Variants in THSD7B observed in about 807,000 individuals in gnomAD.
THSD7B encodes the protein thrombospondin type 1 domain containing 7B, also known as thrombospondin type-1 domain-containing protein 7B.
THSD7B carries 138 observed loss-of-function variants against 213.6 expected under a neutral mutation model. That is an observed-to-expected ratio of 0.65 (90% CI 0.56 to 0.74). The LOEUF (loss-of-function observed/expected upper bound fraction) is 0.74. Ranked by LOEUF, THSD7B falls within the 30% of genes least tolerant of loss-of-function variation. THSD7B has a pLI of 0.00. For synonymous variants in THSD7B, 742 were observed against 687.0 expected (o/e 1.08, Z -1.25); for missense variants, 1,931 against 1,991.5 (o/e 0.97, Z 0.58).
intron 12 of THSD7B, among the ~76,000 whole-genome samples, chr2:137,288,329 A>C (rs1011057407): frequency 2.6e-5 from 4 of 152,126 alleles, no homozygotes; most frequent in African/African-American, 9.7e-5. Flanking sequence ...ACAATAAAAA[A>C]CAAATCACTC....
chr2:137,429,111 T>C (rs1164299218), intron 14 of THSD7B, among the ~76,000 whole-genome samples: 1 of 152,184 alleles, frequency 6.6e-6, no homozygotes, highest in Non-Finnish European at 1.5e-5. Flanking sequence ...GCAGCAGGAA[T>C]GGACTAAGAC....
At chr2:137,328,590 A>G in intron 12 of THSD7B, among the ~76,000 whole-genome samples, 1 of 152,206 alleles carries the variant, frequency 6.6e-6, no homozygotes, top group Middle Eastern at 3.2e-3. Context: ...TGTTTTGTCT[A>G]GTGACATCTG....
intron 15 of THSD7B, among the ~76,000 whole-genome samples, chr2:137,484,902 T>C (rs1688394373): frequency 1.1e-5 from 1 of 92,354 alleles, no homozygotes; most frequent in African/African-American, 3.9e-5. Flanking sequence ...TTTGAGTTCA[T>C]TGTAGATTCT....
intron 15 of THSD7B, among the ~76,000 whole-genome samples, chr2:137,514,531 C>A (rs183454135): frequency 9.9e-5 from 15 of 152,256 alleles, no homozygotes; most frequent in African/African-American, 3.6e-4. Flanking sequence ...ATAAACTCCC[C>A]TTTATATATA....
intron 12 of THSD7B, among the ~76,000 whole-genome samples, chr2:137,386,285 G>A (rs1685891102): frequency 6.6e-6 from 1 of 152,144 alleles, no homozygotes; most frequent in African/African-American, 2.4e-5. Flanking sequence ...TTTTATTTCT[G>A]TTTCTTTCAT....
At chr2:137,331,671 G>C (rs922272455) in intron 12 of THSD7B, among the ~76,000 whole-genome samples, 4 of 152,154 alleles carry the variant, frequency 2.6e-5, no homozygotes, top group Non-Finnish European at 5.9e-5. Flanking sequence ...GGTGCTCATC[G>C]GGGAGGCTCT....
At chr2:137,149,016 G>A (rs1234133800) in intron 5 of THSD7B, among the ~76,000 whole-genome samples, 5 of 152,250 alleles carry the variant, frequency 3.3e-5, no homozygotes, top group African/African-American at 7.2e-5. Flanking sequence ...GGTCTGGGAA[G>A]GAAAAATGAT....
At chr2:137,080,778 C>T (rs111612651) in intron 3 of THSD7B, among the ~76,000 whole-genome samples, 23 of 151,884 alleles carry the variant, frequency 1.5e-4, no homozygotes, top group African/African-American at 4.1e-4. Flanking sequence ...GAAATATTTA[C>T]GTTATTCTTC....
chr2:137,351,361 T>G (rs1305282492), intron 12 of THSD7B, among the ~76,000 whole-genome samples: 7 of 151,980 alleles, frequency 4.6e-5, no homozygotes, highest in Admixed American at 3.3e-4. Flanking sequence ...GTCCTATATG[T>G]TCAGCAGGAC....
At chr2:137,508,656 T>C (rs968503212) in intron 15 of THSD7B, among the ~76,000 whole-genome samples, 1 of 151,894 alleles carries the variant, frequency 6.6e-6, no homozygotes, top group Non-Finnish European at 1.5e-5. Flanking sequence ...TCCAAAGTGC[T>C]GGGATTACCG....
intron 12 of THSD7B, among the ~76,000 whole-genome samples, chr2:137,323,131 G>T (rs1447146424): frequency 6.6e-6 from 1 of 152,190 alleles, no homozygotes; most frequent in Admixed American, 6.5e-5. Flanking sequence ...GGCTGTGATG[G>T]ATCAGGTTCA....
At chr2:137,447,495 A>G (rs1687564623) in intron 14 of THSD7B, among the ~76,000 whole-genome samples, 1 of 152,176 alleles carries the variant, frequency 6.6e-6, no homozygotes, top group African/African-American at 2.4e-5. Context: ...TCTCTATAAA[A>G]TGAAGTAATG....
chr2:137,074,090 G>A (rs1558909445), intron 3 of THSD7B, among the ~76,000 whole-genome samples: 1 of 151,110 alleles, frequency 6.6e-6, no homozygotes, highest in Non-Finnish European at 1.5e-5. Flanking sequence ...TTTTGTAAAT[G>A]TCTATTAGGT....
At chr2:137,095,970 G>A (rs1363122630) in intron 4 of THSD7B, among the ~76,000 whole-genome samples, 1 of 152,148 alleles carries the variant, frequency 6.6e-6, no homozygotes, top group Non-Finnish European at 1.5e-5. Context: ...TCAAAGTGCT[G>A]GGATTGCAGG....
intron 2 of THSD7B, among the ~76,000 whole-genome samples, chr2:137,049,954 C>G (rs1241116106): frequency 6.6e-6 from 1 of 152,154 alleles, no homozygotes; most frequent in African/African-American, 2.4e-5. Flanking sequence ...TAATAGAAAC[C>G]AGCGTGATAT....
intron 2 of THSD7B, among the ~76,000 whole-genome samples, chr2:136,890,326 T>C (rs71348722): frequency 9.8e-4 from 3 of 3,064 alleles, no homozygotes; most frequent in Non-Finnish European, 2.8e-3. Flanking sequence ...CTTCTTCTTC[T>C]TCTTCTTCTT....
At chr2:137,567,076 A>G (rs1208424217) in intron 16 of THSD7B, among the ~76,000 whole-genome samples, 1 of 152,156 alleles carries the variant, frequency 6.6e-6, no homozygotes, top group Admixed American at 6.5e-5. Context: ...AAGACTGGAT[A>G]TTATTCTAAC....
At chr2:137,667,444 T>C (rs1309217847) in intron 26 of THSD7B, among the ~76,000 whole-genome samples, 1 of 152,180 alleles carries the variant, frequency 6.6e-6, no homozygotes, top group Non-Finnish European at 1.5e-5. Context: ...CAAACAACAA[T>C]GCAAACTGTT....
intron 1 of THSD7B, among the ~76,000 whole-genome samples, chr2:136,830,447 G>A (rs1313122986): frequency 6.6e-6 from 1 of 151,856 alleles, no homozygotes; most frequent in African/African-American, 2.4e-5. Flanking sequence ...CATTTTTATT[G>A]CCTCTTGGGG....
Sources: allele counts gnomAD v4.1 joint callset (sites outside exome capture counted in the v4.1 genomes callset), GRCh38; gene constraint gnomAD v4.1.1; transcripts MANE v1.5; gene names NCBI Gene and HGNC (gene_info 2026-07-23, HGNC 2026-07-21).